Variants in SGCZ observed in about 807,000 individuals in gnomAD.
The protein encoded by SGCZ is zeta-sarcoglycan.
In SGCZ, 40 loss-of-function variants were observed where a neutral mutation model predicts 41.3. That is an observed-to-expected ratio of 0.97 (90% CI 0.75 to 1.26). The LOEUF (loss-of-function observed/expected upper bound fraction) is 1.26. Ranked by LOEUF, SGCZ falls within the 50% of genes most tolerant of loss-of-function variation. The pLI is 0.00. For missense variants in SGCZ, 552 were observed against 369.8 expected, an observed-to-expected ratio of 1.49 and a Z score of -4.04; for synonymous variants, 206 against 137.5, an observed-to-expected ratio of 1.50 and a Z score of -3.49.
chr8:14,447,411 T>G (rs1585526459), intron 2 of SGCZ, among the ~76,000 whole-genome samples: 2 of 152,152 alleles, frequency 1.3e-5, no homozygotes, highest in African/African-American at 2.4e-5. Context: ...AAACATCTAA[T>G]GGAATCCCAG....
intron 1 of SGCZ, among the ~76,000 whole-genome samples, chr8:14,985,825 G>C (rs1801810222): frequency 6.6e-6 from 1 of 152,112 alleles, no homozygotes; most frequent in East Asian, 1.9e-4. Flanking sequence ...TTTAGGACTA[G>C]GATTTTAGAA....
At chr8:14,584,708 T>C (rs2117268463) in intron 1 of SGCZ, among the ~76,000 whole-genome samples, 1 of 152,160 alleles carries the variant, frequency 6.6e-6, no homozygotes, top group African/African-American at 2.4e-5. Context: ...GTACCTAGAA[T>C]ATAGTAGAAT....
At chr8:14,151,966 A>G (rs949064185) in intron 5 of SGCZ, among the ~76,000 whole-genome samples, 1 of 152,140 alleles carries the variant, frequency 6.6e-6, no homozygotes, top group Non-Finnish European at 1.5e-5. Context: ...TTAATGTAAA[A>G]TATAAAACTA....
At chr8:14,571,914 A>T (rs1804566065) in intron 1 of SGCZ, among the ~76,000 whole-genome samples, 1 of 152,152 alleles carries the variant, frequency 6.6e-6, no homozygotes, top group South Asian at 2.1e-4. Flanking sequence ...TATTTATATT[A>T]TTTACTTAAT....
intron 1 of SGCZ, among the ~76,000 whole-genome samples, chr8:14,570,599 T>C (rs189764376): frequency 1.3e-5 from 2 of 152,208 alleles, no homozygotes; most frequent in Non-Finnish European, 1.5e-5. Flanking sequence ...AGAAAAATTA[T>C]GTAATATTTA....
At chr8:14,903,983 T>C (rs1799048586) in intron 1 of SGCZ, among the ~76,000 whole-genome samples, 1 of 152,024 alleles carries the variant, frequency 6.6e-6, no homozygotes, top group Admixed American at 6.6e-5. Flanking sequence ...TAACAGGAAA[T>C]TGTGGACCAT....
chr8:15,120,013 A>AGAGTCTTGCTATGTTTTCCAG (rs950684004), intron 1 of SGCZ, among the ~76,000 whole-genome samples: 2 of 152,142 alleles, frequency 1.3e-5, no homozygotes, highest in East Asian at 3.9e-4. Flanking sequence ...TTGTAGAGAT[A>AGAGTCTTGCTATGTTTTCCAG]GAGTCTTGCT....
rs74934235 is a variant in SGCZ at position 14,834,257 on chromosome 8, T to C, written c.40-279331A>G. On this transcript the variant is annotated intron_variant, in intron 1 of 7. Coordinates refer to ENST00000382080, the MANE Select transcript of SGCZ (RefSeq NM_139167.4). ...TACCTGAATAGATTCTATGGATTTA[T>C]ATTTTACAAAATCTTTTAGAATTTT... 2.0e-4 allele frequency among the ~76,000 whole-genome samples: 31 copies of C among 152,318 alleles called. No individual in the cohort carries two copies. The East Asian group carries it at 5.0e-3, about 25-fold the overall frequency.
intron 3 of SGCZ, among the ~76,000 whole-genome samples, chr8:14,293,429 T>C (rs1353013189): frequency 2.0e-5 from 3 of 152,024 alleles, no homozygotes; most frequent in Non-Finnish European, 4.4e-5. Context: ...TCAAACTAAA[T>C]GTCTCATGTC....
intron 2 of SGCZ, among the ~76,000 whole-genome samples, chr8:14,536,716 A>G (rs11994326): frequency 0.094 from 14,301 of 151,894 alleles, 1,139 homozygotes; most frequent in African/African-American, 0.21. Context: ...GTGTCCATGT[A>G]TAAGTGTAGA....
At chr8:14,332,838 A>G (rs1375187209) in intron 2 of SGCZ, among the ~76,000 whole-genome samples, 1 of 151,128 alleles carries the variant, frequency 6.6e-6, no homozygotes, top group African/African-American at 2.4e-5. Context: ...ATGCATATAT[A>G]TAGTGTGTGT....
At chr8:14,708,571 T>G (rs1250612538) in intron 1 of SGCZ, among the ~76,000 whole-genome samples, 1 of 152,072 alleles carries the variant, frequency 6.6e-6, no homozygotes, top group African/African-American at 2.4e-5. Flanking sequence ...TGCCTGAGCC[T>G]GTCCCTGACC....
At chr8:14,553,320 C>A (rs1039662834) in intron 2 of SGCZ, among the ~76,000 whole-genome samples, 1 of 152,102 alleles carries the variant, frequency 6.6e-6, no homozygotes, top group Admixed American at 6.6e-5. Context: ...GGAGAATGTA[C>A]CTACAAGCCT....
intron 4 of SGCZ, among the ~76,000 whole-genome samples, chr8:14,211,058 T>A (rs981667763): frequency 3.9e-5 from 6 of 152,218 alleles, no homozygotes; most frequent in African/African-American, 1.4e-4. Context: ...AATGTGCTAG[T>A]AATCCATTTA....
In SGCZ at chr8:14,094,698, G is replaced by A. The variant is rs563030762; in HGVS notation, c.745-4061C>T. ...ATGGTATTCCTGGTTCTAGATCCTTGAGGAATCTCCGCACTGTCTTCCACA... is the reference window on the plus strand; with the variant it reads ...ATGGTATTCCTGGTTCTAGATCCTTAAGGAATCTCCGCACTGTCTTCCACA... On this transcript the variant is annotated intron_variant, in intron 7 of 7. Transcript: ENST00000382080. Among the ~76,000 whole-genome samples, 24 of 152,182 alleles carry A rather than the reference G, an allele frequency of 1.6e-4. No individual in the cohort carries two copies. The South Asian group carries it at 5.0e-3, about 32-fold the overall frequency.
chr8:15,158,678 T>C (rs59481272), intron 1 of SGCZ, among the ~76,000 whole-genome samples: 3,089 of 152,306 alleles, frequency 0.02, 90 homozygotes, highest in African/African-American at 0.069. Context: ...GTAGGTTCTT[T>C]GAATATAAAT....
chr8:14,877,875 T>C (rs75110293), intron 1 of SGCZ, among the ~76,000 whole-genome samples: 3,101 of 152,274 alleles, frequency 0.02, 115 homozygotes, highest in East Asian at 0.18. Flanking sequence ...TTCCTTTCTG[T>C]TATTACATTT....
At chr8:14,450,180 G>C (rs554185008) in intron 2 of SGCZ, among the ~76,000 whole-genome samples, 1 of 152,148 alleles carries the variant, frequency 6.6e-6, no homozygotes, top group Non-Finnish European at 1.5e-5. Context: ...GATGAAGCCA[G>C]GCTACACAGA....
intron 2 of SGCZ, among the ~76,000 whole-genome samples, chr8:14,387,622 T>C (rs1234876318): frequency 1.3e-5 from 2 of 152,134 alleles, no homozygotes; most frequent in African/African-American, 4.8e-5. Context: ...TTTAAATGAA[T>C]ATTTGCAATT....
Sources: gnomAD v4.1 joint callset for allele counts (sites outside exome capture counted in the v4.1 genomes callset) on GRCh38, gnomAD v4.1.1 for gene constraint, MANE v1.5 for transcripts, NCBI Gene and HGNC (gene_info 2026-07-23, HGNC 2026-07-21) for gene names.